CSGALNACT1: variants seen among roughly 807,000 people sequenced by gnomAD.
CSGALNACT1 encodes beta4GalNAcT-1.
A neutral mutation model predicts 51.0 loss-of-function variants in CSGALNACT1; 52 were observed. The ratio of observed to expected loss-of-function variants is 1.02; its 90% CI spans 0.82 to 1.29. The LOEUF (loss-of-function observed/expected upper bound fraction) is 1.29. Among genes scored for constraint, CSGALNACT1 ranks in the 50% most tolerant of loss-of-function variants. The probability of loss-of-function intolerance (pLI) is 0.00; values close to 1 mark genes in which losing one functional copy is unlikely to be tolerated. For missense variants in CSGALNACT1, 935 were observed against 679.2 expected (o/e 1.38, Z -4.19); for synonymous variants, 341 against 254.4 (o/e 1.34, Z -3.24).
At chr8:19,421,957 C>T (rs1000434827) in intron 6 of CSGALNACT1, among the ~76,000 whole-genome samples, 5 of 152,020 alleles carry the variant, frequency 3.3e-5, no homozygotes, top group Non-Finnish European at 5.9e-5. Flanking sequence ...TGCCTGGGGC[C>T]CCATAAGTGT....
intron 1 of CSGALNACT1, among the ~76,000 whole-genome samples, chr8:19,715,692 G>A (rs929016349): frequency 1.3e-5 from 2 of 152,166 alleles, no homozygotes; most frequent in African/African-American, 2.4e-5. Context: ...AAAGATGGGG[G>A]TAAATACATT....
At chr8:19,639,692 C>T (rs2056518478) in intron 1 of CSGALNACT1, among the ~76,000 whole-genome samples, 1 of 152,106 alleles carries the variant, frequency 6.6e-6, no homozygotes, top group Non-Finnish European at 1.5e-5. Flanking sequence ...TCTTCCACCT[C>T]AAGGGGAAGA....
chr8:19,711,643 CA>C (rs373700397), intron 1 of CSGALNACT1, among the ~76,000 whole-genome samples: 33 of 152,274 alleles, frequency 2.2e-4, no homozygotes, highest in African/African-American at 7.7e-4. Flanking sequence ...CATTGAGAAG[CA>C]AAAAGCCTAA....
exon 10 of CSGALNACT1, chr8:19,405,445 A>C (rs890114294): frequency 2.0e-6 from 1 of 494,426 alleles, no homozygotes; most frequent in Non-Finnish European, 3.9e-6. Flanking sequence ...AACTGCTCTT[A>C]AATCATGAAT....
intron 4 of CSGALNACT1, among the ~76,000 whole-genome samples, chr8:19,482,784 C>A (rs954139867): frequency 2.0e-5 from 3 of 152,132 alleles, no homozygotes; most frequent in African/African-American, 7.2e-5. Context: ...AAGTCCTAAC[C>A]CCTTAGCTCC....
intron 1 of CSGALNACT1, among the ~76,000 whole-genome samples, chr8:19,673,465 G>C (rs2059943455): frequency 6.6e-6 from 1 of 152,202 alleles, no homozygotes; most frequent in Non-Finnish European, 1.5e-5. Flanking sequence ...TGAGACCAAA[G>C]TTGCTAGGCA....
chr8:19,530,522 G>A (rs1397592973), intron 3 of CSGALNACT1, among the ~76,000 whole-genome samples: 4 of 152,026 alleles, frequency 2.6e-5, no homozygotes, highest in East Asian at 3.9e-4. Flanking sequence ...GAATTCAGTC[G>A]CTAAACTCTT....
chr8:19,658,479 A>G (rs1320939278), intron 1 of CSGALNACT1, among the ~76,000 whole-genome samples: 1 of 152,212 alleles, frequency 6.6e-6, no homozygotes, highest in African/African-American at 2.4e-5. Flanking sequence ...CATGCCTGTA[A>G]TCCCAGCACT....
chr8:19,433,443 C>G (rs759159380), intron 6 of CSGALNACT1, among the ~76,000 whole-genome samples: 6 of 152,236 alleles, frequency 3.9e-5, no homozygotes, highest in Non-Finnish European at 7.3e-5. Context: ...CTATGAATAT[C>G]TAATCTCCCA....
exon 4 of CSGALNACT1, chr8:19,505,209 A>T: frequency 6.2e-7 from 1 of 1,614,136 alleles, no homozygotes; most frequent in Non-Finnish European, 8.5e-7. Flanking sequence ...ACCTTCTATG[A>T]AATCAGAGGC....
At chr8:19,411,210 G>A (rs914638023) in intron 8 of CSGALNACT1, among the ~76,000 whole-genome samples, 2 of 152,180 alleles carry the variant, frequency 1.3e-5, no homozygotes, top group Non-Finnish European at 2.9e-5. Flanking sequence ...CCTGGCCCAT[G>A]TTATGCACCT....
intron 1 of CSGALNACT1, among the ~76,000 whole-genome samples, chr8:19,746,739 G>C (rs1237634339): frequency 6.6e-6 from 1 of 152,172 alleles, no homozygotes; most frequent in East Asian, 1.9e-4. Context: ...AAGTCCTCCA[G>C]AAATGAAGTA....
At chr8:19,574,038 A>T (rs990627953) in intron 3 of CSGALNACT1, among the ~76,000 whole-genome samples, 2 of 152,198 alleles carry the variant, frequency 1.3e-5, no homozygotes, top group African/African-American at 4.8e-5. Context: ...CTCCCGCCAC[A>T]GCCTCCAGAT....
At chr8:19,488,557 A>G (rs2073633431) in intron 4 of CSGALNACT1, among the ~76,000 whole-genome samples, 1 of 151,932 alleles carries the variant, frequency 6.6e-6, no homozygotes, top group African/African-American at 2.4e-5. Context: ...GGTATCTCAG[A>G]GAAAATCAAC....
intron 1 of CSGALNACT1, among the ~76,000 whole-genome samples, chr8:19,733,501 G>A (rs1328594446): frequency 6.6e-6 from 1 of 152,002 alleles, no homozygotes; most frequent in Non-Finnish European, 1.5e-5. Flanking sequence ...TTCTGAGTTA[G>A]GAGCCAGCAG....
chr8:19,668,157 T>G (rs2059531525), intron 1 of CSGALNACT1, among the ~76,000 whole-genome samples: 1 of 152,238 alleles, frequency 6.6e-6, no homozygotes, highest in Non-Finnish European at 1.5e-5. Context: ...TTTTCCTATA[T>G]TTTGTTCAAA....
intron 4 of CSGALNACT1, among the ~76,000 whole-genome samples, chr8:19,502,007 G>A (rs2076507006): frequency 1.3e-5 from 2 of 152,232 alleles, no homozygotes; most frequent in African/African-American, 2.4e-5. Context: ...CTTCCTCTGT[G>A]TTTTGAGGAT....
intron 3 of CSGALNACT1, among the ~76,000 whole-genome samples, chr8:19,563,284 CAG>C (rs2041188439): frequency 6.6e-6 from 1 of 151,970 alleles, no homozygotes; most frequent in South Asian, 2.1e-4. Flanking sequence ...TCAGGAGGGT[CAG>C]GGGGAGGGAG....
chr8:19,565,242 A>C (rs2041660440), intron 3 of CSGALNACT1, among the ~76,000 whole-genome samples: 1 of 152,332 alleles, frequency 6.6e-6, no homozygotes, highest in African/African-American at 2.4e-5. Flanking sequence ...AAGTTCTAAA[A>C]GTCAAAAAAC....
Sources: gnomAD v4.1 joint callset for allele counts (sites outside exome capture counted in the v4.1 genomes callset) on GRCh38, gnomAD v4.1.1 for gene constraint, MANE v1.5 for transcripts, NCBI Gene and HGNC (gene_info 2026-07-23, HGNC 2026-07-21) for gene names.